The following ARHGAP24 variants were observed in gnomAD, a reference collection of about 807,000 sequenced individuals.
The protein encoded by ARHGAP24 is Rho GTPase activating protein 24, also known as rho GTPase-activating protein 24.
In ARHGAP24, 50 loss-of-function variants were observed where a neutral mutation model predicts 76.4. That is an observed-to-expected ratio of 0.65 (90% CI 0.52 to 0.83). The LOEUF (loss-of-function observed/expected upper bound fraction) is 0.83, where lower values mean the gene tolerates loss of function less well. Ranked by LOEUF, ARHGAP24 falls within the 40% of genes least tolerant of loss-of-function variation. ARHGAP24 has a pLI of 0.00. For synonymous variants in ARHGAP24, 345 were observed against 323.3 expected (o/e 1.07, Z -0.72); for missense variants, 930 against 914.2 (o/e 1.02, Z -0.22).
intron 3 of ARHGAP24, among the ~76,000 whole-genome samples, chr4:85,809,246 GT>G (rs1301355505): frequency 1.3e-5 from 2 of 151,988 alleles, no homozygotes; most frequent in African/African-American, 4.8e-5. Context: ...CATTTTGGGG[GT>G]TTTTATATTA....
chr4:85,776,683 T>C (rs1027481966), intron 3 of ARHGAP24, among the ~76,000 whole-genome samples: 1 of 152,160 alleles, frequency 6.6e-6, no homozygotes, highest in African/African-American at 2.4e-5. Flanking sequence ...CATAATCTAT[T>C]GTCTATGGCT....
rs565880780 is a variant in ARHGAP24, at chr4:85,548,951, A to G, written c.-20-21571A>G. ...CTGTATCTGGCTTCTTTCACTCATT[A>G]TAATGACTGCTGGATTTATACATGT... On this transcript the variant is annotated intron_variant, in intron 1 of 9. Coordinates refer to ENST00000395184, the MANE Select transcript of ARHGAP24 (RefSeq NM_001025616.3). 2.6e-5 allele frequency among the ~76,000 whole-genome samples: 4 copies of G among 152,192 alleles called. No homozygotes were observed. In the South Asian group the frequency reaches 8.3e-4, roughly 32 times the overall value.
At chr4:85,821,211 A>C (rs760753022) in intron 3 of ARHGAP24, among the ~76,000 whole-genome samples, 2 of 152,208 alleles carry the variant, frequency 1.3e-5, no homozygotes, top group Non-Finnish European at 2.9e-5. Context: ...GAGCCTATAG[A>C]TATAATTTTC....
chr4:85,655,168 G>A (rs1314583754), intron 2 of ARHGAP24, among the ~76,000 whole-genome samples: 2 of 152,124 alleles, frequency 1.3e-5, no homozygotes, highest in African/African-American at 4.8e-5. Flanking sequence ...TATTCCAACT[G>A]GATTACTTAG....
At chr4:85,537,442 T>C (rs529388795) in intron 1 of ARHGAP24, among the ~76,000 whole-genome samples, 1 of 152,254 alleles carries the variant, frequency 6.6e-6, no homozygotes, top group South Asian at 2.1e-4. Flanking sequence ...GATTCTAGTA[T>C]GAAGGAATGT....
chr4:85,972,404 T>C (rs1578450420), intron 6 of ARHGAP24: 1 of 525,642 alleles, frequency 1.9e-6, no homozygotes, highest in East Asian at 3.5e-5. Flanking sequence ...GACTTGCCGC[T>C]TTCTTTCCCT....
chr4:85,617,271 T>C (rs187079709), intron 2 of ARHGAP24, among the ~76,000 whole-genome samples: 1 of 149,690 alleles, frequency 6.7e-6, no homozygotes, highest in African/African-American at 2.4e-5. Context: ...TATATTAATA[T>C]AGATATATTG....
chr4:85,949,822 A>C (rs1737502825), intron 5 of ARHGAP24, among the ~76,000 whole-genome samples: 1 of 152,244 alleles, frequency 6.6e-6, no homozygotes, highest in African/African-American at 2.4e-5. Flanking sequence ...GTCTGTGAAC[A>C]ATCTACCTTA....
intron 4 of ARHGAP24, chr4:85,924,550 G>A (rs1268619202): frequency 1.3e-5 from 2 of 151,822 alleles, no homozygotes; most frequent in Non-Finnish European, 2.9e-5. Flanking sequence ...AAAATAAATT[G>A]TGTTAGGTCA....
chr4:85,765,904 A>C (rs1009934249), intron 3 of ARHGAP24, among the ~76,000 whole-genome samples: 1 of 152,194 alleles, frequency 6.6e-6, no homozygotes, highest in Non-Finnish European at 1.5e-5. Flanking sequence ...ACTCAATTGC[A>C]TAGTTGTTTT....
At chr4:85,679,781 T>A (rs1723132511) in intron 2 of ARHGAP24, among the ~76,000 whole-genome samples, 1 of 152,180 alleles carries the variant, frequency 6.6e-6, no homozygotes, top group African/African-American at 2.4e-5. Flanking sequence ...GGTGGTCAGA[T>A]ACAGACATTT....
chr4:85,661,023 T>C (rs77120798), intron 2 of ARHGAP24, among the ~76,000 whole-genome samples: 4,452 of 152,266 alleles, frequency 0.029, 200 homozygotes, highest in African/African-American at 0.1. Context: ...TACTAAGATA[T>C]CTAAATTCAG....
chr4:85,560,852 G>T (rs9985556), intron 1 of ARHGAP24, among the ~76,000 whole-genome samples: 149,627 of 152,286 alleles, frequency 0.98, 73,547 homozygotes, highest in East Asian at 1. Flanking sequence ...AGAGAGAATT[G>T]GTCATGATGT....
rs1730503954 is a variant in ARHGAP24, at chr4:85,839,909, G to A, written c.269-83739G>A. ...CTATCACCCAGGCTGGAGTGCAGTG[G>A]CGCAACCTTGGCTCACTGCAACCTC... On this transcript the variant is annotated intron_variant, in intron 3 of 9. Coordinates refer to ENST00000395184, the MANE Select transcript of ARHGAP24 (RefSeq NM_001025616.3). Among the ~76,000 whole-genome samples the A allele has an allele frequency of 2.1e-5, 3 of 141,194 alleles. No homozygotes were observed. The South Asian group carries it at 6.7e-4, about 32-fold the overall frequency. The allele number at this position is 141,194 out of a possible 152,430, so 92.6% of individuals were successfully genotyped here.
At chr4:85,957,730 A>G (rs1009155750) in intron 5 of ARHGAP24, among the ~76,000 whole-genome samples, 1 of 152,218 alleles carries the variant, frequency 6.6e-6, no homozygotes, top group African/African-American at 2.4e-5. Flanking sequence ...CAAGAGTTCC[A>G]TGAAACTGCT....
At chr4:85,556,486 C>T (rs1335838289) in intron 1 of ARHGAP24, among the ~76,000 whole-genome samples, 2 of 152,016 alleles carry the variant, frequency 1.3e-5, no homozygotes, top group Non-Finnish European at 2.9e-5. Context: ...GCAACCAGGC[C>T]CTTTGTTCCT....
chr4:85,703,246 T>C (rs1471650749), intron 2 of ARHGAP24, among the ~76,000 whole-genome samples: 1 of 152,188 alleles, frequency 6.6e-6, no homozygotes, highest in African/African-American at 2.4e-5. Flanking sequence ...AGCTTCCCAT[T>C]CTACAAATAT....
chr4:85,719,311 A>G (rs1724844712), intron 2 of ARHGAP24, among the ~76,000 whole-genome samples: 1 of 152,158 alleles, frequency 6.6e-6, no homozygotes, highest in Non-Finnish European at 1.5e-5. Flanking sequence ...GATAAAAAGC[A>G]GGAAAAGGTA....
chr4:85,514,488 T>A (rs1724408705), intron 1 of ARHGAP24, among the ~76,000 whole-genome samples: 1 of 152,160 alleles, frequency 6.6e-6, no homozygotes, highest in Non-Finnish European at 1.5e-5. Flanking sequence ...TTGCTTACAT[T>A]TTGTATATTT....
Sources: allele counts gnomAD v4.1 joint callset (sites outside exome capture counted in the v4.1 genomes callset), GRCh38; gene constraint gnomAD v4.1.1; transcripts MANE v1.5; gene names NCBI Gene and HGNC (gene_info 2026-07-23, HGNC 2026-07-21).